TMCO4: variants seen among roughly 807,000 people sequenced by gnomAD.
TMCO4 encodes transmembrane and coiled-coil domains 4.
In TMCO4, 58 loss-of-function variants were observed where a neutral mutation model predicts 64.7. The observed-to-expected ratio is 0.90, with a 90% CI of 0.73 to 1.12. TMCO4 has a LOEUF of 1.12. TMCO4 is among the 50% of genes most tolerant of loss of function. The pLI is 0.00. For synonymous variants in TMCO4, 325 were observed against 346.1 expected (o/e 0.94, Z 0.68); for missense variants, 780 against 825.9 (o/e 0.94, Z 0.68).
chr1:19,750,031 G>T lies in TMCO4; in HGVS notation c.516-2771C>A, dbSNP rs188688555. On this transcript the variant is annotated intron_variant, in intron 7 of 15. Transcript: ENST00000294543. ...ACAGTACTGAATTTCCAGGGGTATT[G>T]TGAGGACTAAATGAGACAGAGACAC... 1.8e-4 allele frequency: 27 copies of T among 152,294 alleles called. No individual in the cohort carries two copies. The East Asian group carries it at 5.2e-3, about 29-fold the overall frequency. The allele number at this position is 152,294 out of a possible 1,614,324, so 9.4% of individuals were successfully genotyped here.
chr1:19,701,829 C>G (rs1173088750), intron 13 of TMCO4, among the ~76,000 whole-genome samples: 1 of 152,056 alleles, frequency 6.6e-6, no homozygotes. Flanking sequence ...CAGGTCAGGG[C>G]TATTCAAAGT....
At chr1:19,712,185 GGAACAGCCAGCTGGT>G (rs2095333779) in intron 13 of TMCO4, among the ~76,000 whole-genome samples, 2 of 152,200 alleles carry the variant, frequency 1.3e-5, no homozygotes, top group African/African-American at 4.8e-5. Flanking sequence ...AGAGAGGTGG[GGAACAGCCAGCTGGT>G]GGAGCATCGG....
chr1:19,752,150 A>G (rs2042049378), intron 7 of TMCO4, among the ~76,000 whole-genome samples: 1 of 152,150 alleles, frequency 6.6e-6, no homozygotes, highest in African/African-American at 2.4e-5. Context: ...GTCTGATTGA[A>G]TCTCAACATT....
At chr1:19,731,323 T>C (rs1291408483) in intron 13 of TMCO4, among the ~76,000 whole-genome samples, 2 of 152,206 alleles carry the variant, frequency 1.3e-5, no homozygotes, top group Non-Finnish European at 2.9e-5. Flanking sequence ...ATTAACAGTT[T>C]CTAGGAAATT....
intron 2 of TMCO4, among the ~76,000 whole-genome samples, chr1:19,793,422 A>G (rs977924350): frequency 3.9e-5 from 6 of 152,164 alleles, no homozygotes; most frequent in African/African-American, 1.4e-4. Flanking sequence ...GTTACAATAC[A>G]CACACATACC....
chr1:19,787,008 G>C lies in TMCO4; in HGVS notation c.-9+18C>G, dbSNP rs1431456829. 1 of 152,236 alleles carries C rather than the reference G, an allele frequency of 6.6e-6. No homozygotes were observed. The highest frequency in any genetic ancestry group is 1.5e-5 in the Non-Finnish European group (1 of 68,038). 9.4% of individuals were successfully genotyped at this position (152,236 alleles called of 1,614,324 possible). A position where few individuals can be genotyped will look rare whatever the true frequency, so the allele number is the denominator to read the frequency against. On this transcript the variant is annotated intron_variant, in intron 3 of 15. Coordinates refer to ENST00000294543, the MANE Select transcript of TMCO4 (RefSeq NM_181719.7). ...GTAATAAGGGGCTACTGAAGGAAAA[G>C]AAACCTTCAATACTTACCCAGATTT...
chr1:19,739,489 C>T (rs975108402), intron 12 of TMCO4, among the ~76,000 whole-genome samples: 1 of 152,188 alleles, frequency 6.6e-6, no homozygotes, highest in Non-Finnish European at 1.5e-5. Context: ...CCCAAATGAG[C>T]CCAGTGATTA....
At chr1:19,776,770 G>A (rs1202119236) in intron 4 of TMCO4, among the ~76,000 whole-genome samples, 1 of 152,150 alleles carries the variant, frequency 6.6e-6, no homozygotes, top group Non-Finnish European at 1.5e-5. Flanking sequence ...GCTCACGCCT[G>A]TAATCCCAGC....
At chr1:19,719,870 G>A (rs1022499306) in intron 13 of TMCO4, among the ~76,000 whole-genome samples, 3 of 152,104 alleles carry the variant, frequency 2.0e-5, no homozygotes, top group Non-Finnish European at 4.4e-5. Context: ...GCAGGCACCT[G>A]TAGTCCCAGC....
chr1:19,717,091 CAGG>C (rs1476336488), intron 13 of TMCO4, among the ~76,000 whole-genome samples: 1 of 152,194 alleles, frequency 6.6e-6, no homozygotes, highest in Non-Finnish European at 1.5e-5. Context: ...GAAGCTGAGG[CAGG>C]AGAATGGCTT....
At chr1:19,768,970 G>C (rs2042865774) in intron 6 of TMCO4, among the ~76,000 whole-genome samples, 1 of 152,160 alleles carries the variant, frequency 6.6e-6, no homozygotes, top group African/African-American at 2.4e-5. Context: ...GAATCCCCAA[G>C]GTAGGGTGAC....
intron 13 of TMCO4, among the ~76,000 whole-genome samples, chr1:19,703,684 A>G (rs539324820): frequency 5.1e-4 from 78 of 151,706 alleles, no homozygotes; most frequent in African/African-American, 1.8e-3. Flanking sequence ...AGTAGCTGGG[A>G]CTACAGGCAT....
chr1:19,692,762 A>G (rs2095206404), intron 15 of TMCO4, among the ~76,000 whole-genome samples: 2 of 151,532 alleles, frequency 1.3e-5, no homozygotes, highest in South Asian at 2.1e-4. Flanking sequence ...ATATAAATAA[A>G]CAAATAAATA....
At position 19,770,855 on chromosome 1, in the gene TMCO4, G is replaced by A. The variant is rs1360095758; in HGVS notation, c.355-286C>T. Among the ~76,000 whole-genome samples, 5 of 152,244 alleles carry A rather than the reference G, an allele frequency of 3.3e-5. No homozygotes were observed. The East Asian group carries it at 9.6e-4, about 29-fold the overall frequency. ...TCTGCTTTAACTGCAGGCATAGCTG[G>A]TGAGTGACATGCTCAAGGGCATACA... On this transcript the variant is annotated intron_variant, in intron 5 of 15. Coordinates refer to ENST00000294543, the MANE Select transcript of TMCO4 (RefSeq NM_181719.7).
intron 4 of TMCO4, 139 bp downstream of exon 4, chr1:19,780,441 A>G: frequency 9.6e-7 from 1 of 1,038,294 alleles, no homozygotes; most frequent in African/African-American, 1.6e-5. Context: ...CCTGGAGGTT[A>G]GAGACCCCTG....
At position 19,716,098 on chromosome 1, in the gene TMCO4, T is replaced by C. The variant is rs193004618; in HGVS notation, c.1265-15213A>G. Among the ~76,000 whole-genome samples, 211 of 152,134 alleles carry C rather than the reference T, an allele frequency of 1.4e-3. 1 individual carries two copies. The highest frequency in any genetic ancestry group is 4.8e-3 in the African/African-American group (199 of 41,528). On this transcript the variant is annotated intron_variant, in intron 13 of 15. Coordinates refer to ENST00000294543, the MANE Select transcript of TMCO4 (RefSeq NM_181719.7). ...ATGGGAGGCCGAGGCGGGAGGATTG[T>C]TTGAGCCCAGGAGTTTGAGACCAGC...
chr1:19,720,005 A>AT (rs56755114), intron 13 of TMCO4, among the ~76,000 whole-genome samples: 2,694 of 116,938 alleles, frequency 0.023, 80 homozygotes, highest in Middle Eastern at 0.039. Flanking sequence ...AAGGAAAATA[A>AT]TTTTTTTTTT....
chr1:19,751,823 T>C (rs969948250), intron 7 of TMCO4, among the ~76,000 whole-genome samples: 1 of 151,756 alleles, frequency 6.6e-6, no homozygotes, highest in Admixed American at 6.6e-5. Context: ...CCAAGGCGGG[T>C]GGATCACGAG....
chr1:19,711,667 T>G (rs1296305249), intron 13 of TMCO4, among the ~76,000 whole-genome samples: 1 of 151,832 alleles, frequency 6.6e-6, no homozygotes, highest in Non-Finnish European at 1.5e-5. Context: ...TTTTTGCTTT[T>G]TTTTTTTGAG....
Sources: gnomAD v4.1 joint callset for allele counts (sites outside exome capture counted in the v4.1 genomes callset) on GRCh38, gnomAD v4.1.1 for gene constraint, MANE v1.5 for transcripts, NCBI Gene and HGNC (gene_info 2026-07-23, HGNC 2026-07-21) for gene names.